The following RBFOX3 variants were observed in gnomAD, a reference collection of about 807,000 sequenced individuals.
RBFOX3 encodes RNA binding protein fox-1 homolog 3.
A neutral mutation model predicts 48.7 loss-of-function variants in RBFOX3; 17 were observed. The ratio of observed to expected loss-of-function variants is 0.35; its 90% CI spans 0.24 to 0.52. RBFOX3 has a LOEUF of 0.52. RBFOX3 is among the 20% of genes least tolerant of loss of function. The pLI is 0.94. For missense variants in RBFOX3, 382 were observed against 497.5 expected (o/e 0.77, Z 2.21); for synonymous variants, 212 against 209.5 (o/e 1.01, Z -0.10).
At chr17:79,585,012 G>A (rs963767643) in intron 1 of RBFOX3, among the ~76,000 whole-genome samples, 3 of 151,838 alleles carry the variant, frequency 2.0e-5, no homozygotes, top group African/African-American at 4.8e-5. Flanking sequence ...TGATCCGCCC[G>A]CCTCAGCCTC....
In RBFOX3 at chr17:79,132,501, C is replaced by T. The variant is rs111802371; in HGVS notation, c.-33-16753G>A. Among the ~76,000 whole-genome samples, 762 of 152,324 alleles carry T rather than the reference C, an allele frequency of 5.0e-3. 6 individuals are homozygous for T. Among genetic ancestry groups the T allele is most frequent in the African/African-American group, 0.017 (724 of 41,570 alleles). On this transcript the variant is annotated intron_variant, in intron 4 of 14. Coordinates refer to ENST00000693108, the MANE Select transcript of RBFOX3 (RefSeq NM_001350451.2). ...TCAGCACCCGGCACTGGGCGGCTCC[C>T]CTCGGAGCCAACAGGAAACAGCGTA...
At chr17:79,159,247 A>T (rs1270943399) in intron 4 of RBFOX3, among the ~76,000 whole-genome samples, 3 of 152,178 alleles carry the variant, frequency 2.0e-5, no homozygotes, top group Admixed American at 2.0e-4. Flanking sequence ...GTGTCCACTT[A>T]TGGGAGACCA....
chr17:79,481,175 C>T lies in RBFOX3; in HGVS notation c.-175+1279G>A, dbSNP rs2078722808. Among the ~76,000 whole-genome samples the T allele has an allele frequency of 6.6e-6, 1 of 152,150 alleles. No homozygotes were observed. Among genetic ancestry groups the T allele is most frequent in the African/African-American group, 2.4e-5 (1 of 41,432 alleles). On this transcript the variant is annotated intron_variant, in intron 2 of 14. Transcript: ENST00000693108. The surrounding 1 kb of genome is among the most constrained non-coding windows in gnomAD (Gnocchi z 5.4). ...ATCTTTTGATGGGTATTGGAGAGACCAGCCTGTGTCCGGGCCTCTGGTCTC... is the reference window on the plus strand; with the variant it reads ...ATCTTTTGATGGGTATTGGAGAGACTAGCCTGTGTCCGGGCCTCTGGTCTC...
chr17:79,160,650 C>T (rs1015493176), intron 4 of RBFOX3, among the ~76,000 whole-genome samples: 12 of 152,112 alleles, frequency 7.9e-5, no homozygotes, highest in African/African-American at 2.7e-4. Flanking sequence ...TGGGATTCCC[C>T]CATTCATTCA....
chr17:79,539,206 G>T (rs2089315138), intron 1 of RBFOX3, among the ~76,000 whole-genome samples: 1 of 152,096 alleles, frequency 6.6e-6, no homozygotes, highest in African/African-American at 2.4e-5. Flanking sequence ...AGAAAAATTA[G>T]CAGGGCATGG....
chr17:79,102,309 G>C (rs1265831613), intron 8 of RBFOX3, among the ~76,000 whole-genome samples: 1 of 152,230 alleles, frequency 6.6e-6, no homozygotes, highest in East Asian at 1.9e-4. Context: ...GTCCCAGGAA[G>C]GGGTCTGGGC....
At chr17:79,275,768 C>G in intron 3 of RBFOX3, among the ~76,000 whole-genome samples, 1 of 152,192 alleles carries the variant, frequency 6.6e-6, no homozygotes, top group East Asian at 1.9e-4. Flanking sequence ...TATGGATGGT[C>G]AGGAAGCAGG....
intron 2 of RBFOX3, among the ~76,000 whole-genome samples, chr17:79,432,518 TTTTA>T (rs2068652158): frequency 6.6e-6 from 1 of 152,222 alleles, no homozygotes; most frequent in African/African-American, 2.4e-5. Context: ...GCGAGCAGCC[TTTTA>T]TTTGTGTGCA....
At chr17:79,494,684 C>CA (rs1174086163) in intron 1 of RBFOX3, among the ~76,000 whole-genome samples, 2 of 152,220 alleles carry the variant, frequency 1.3e-5, no homozygotes, top group African/African-American at 4.8e-5. Flanking sequence ...TAAACCCTCC[C>CA]ATGCCCAGGC....
At chr17:79,149,715 A>G (rs4789950) in intron 4 of RBFOX3, among the ~76,000 whole-genome samples, 71,065 of 150,760 alleles carry the variant, frequency 0.47, 17,267 homozygotes, top group Middle Eastern at 0.53. Context: ...GTCGGACCCA[A>G]GACCCTGGGA....
intron 4 of RBFOX3, among the ~76,000 whole-genome samples, chr17:79,116,942 C>T (rs2034175197): frequency 6.6e-6 from 1 of 152,260 alleles, no homozygotes; most frequent in African/African-American, 2.4e-5. Flanking sequence ...CCCAGGCCTC[C>T]TCCAGCAATC....
At chr17:79,165,643 G>T (rs1000311233) in intron 4 of RBFOX3, among the ~76,000 whole-genome samples, 11 of 152,214 alleles carry the variant, frequency 7.2e-5, no homozygotes, top group African/African-American at 2.4e-4. Flanking sequence ...TGGCTTCGCC[G>T]GCCGGGGTCC....
upstream of RBFOX3, among the ~76,000 whole-genome samples, chr17:79,614,075 A>T (rs1241169251): frequency 2.6e-5 from 4 of 152,246 alleles, no homozygotes; most frequent in Admixed American, 2.6e-4. Flanking sequence ...GAGGCACAGG[A>T]GAAGTGGCGG....
intron 2 of RBFOX3, among the ~76,000 whole-genome samples, chr17:79,365,789 A>G (rs2057654081): frequency 6.6e-6 from 1 of 152,218 alleles, no homozygotes; most frequent in Admixed American, 6.5e-5. Flanking sequence ...CAAGGTAAAG[A>G]GGGCAGGGGC....
intron 2 of RBFOX3, among the ~76,000 whole-genome samples, chr17:79,349,852 G>A (rs746599369): frequency 6.6e-5 from 10 of 151,450 alleles, no homozygotes; most frequent in Admixed American, 3.9e-4. Flanking sequence ...GGACGGAATG[G>A]GTTCCCTGAG....
chr17:79,091,697 G>A (rs2073943628), intron 14 of RBFOX3, among the ~76,000 whole-genome samples: 1 of 152,178 alleles, frequency 6.6e-6, no homozygotes, highest in Non-Finnish European at 1.5e-5. Context: ...CCTCCTTCCG[G>A]AATATACCCC....
chr17:79,221,101 C>G (rs1292223372), intron 4 of RBFOX3, among the ~76,000 whole-genome samples: 1 of 152,222 alleles, frequency 6.6e-6, no homozygotes, highest in Non-Finnish European at 1.5e-5. Context: ...TCCGCTCAGC[C>G]CTGCCGAAAA....
Position 79,171,084 on chromosome 17 carries a change from C to T in RBFOX3, c.-33-55336G>A, listed in dbSNP as rs181033288. Among the ~76,000 whole-genome samples, 158 of 152,286 alleles carry T rather than the reference C, an allele frequency of 1.0e-3. 1 individual carries two copies. The highest frequency in any genetic ancestry group is 3.7e-3 in the African/African-American group (155 of 41,572). ...CTGTCCACTTCAGCAGCCACTGGCC[C>T]CATGTGGCTGTCGAGCAATTGAGGT... is the stretch of plus-strand genomic sequence containing the variant. On this transcript the variant is annotated intron_variant, in intron 4 of 14. Coordinates refer to ENST00000693108, the MANE Select transcript of RBFOX3 (RefSeq NM_001350451.2).
At chr17:79,528,729 C>T (rs1032746383) in intron 1 of RBFOX3, among the ~76,000 whole-genome samples, 8 of 152,100 alleles carry the variant, frequency 5.3e-5, no homozygotes, top group Admixed American at 2.6e-4. Flanking sequence ...AGGCAGCCAC[C>T]GTCACGGAGC....
Sources: gnomAD v4.1 joint callset for allele counts (sites outside exome capture counted in the v4.1 genomes callset) on GRCh38, gnomAD v4.1.1 for gene constraint, Gnocchi (gnomAD v3.1) non-coding constraint, MANE v1.5 for transcripts, NCBI Gene and HGNC (gene_info 2026-07-23, HGNC 2026-07-21) for gene names.